The following TMEM94 variants were observed in gnomAD, a reference collection of about 807,000 sequenced individuals.
TMEM94 encodes ER Mg2+ ATPase.
In TMEM94, 81 loss-of-function variants were observed where a neutral mutation model predicts 158.6. That is an observed-to-expected ratio of 0.51 (90% confidence interval 0.43 to 0.61). The LOEUF is 0.61. TMEM94 is among the 20% of genes least tolerant of loss of function. The pLI, the probability that TMEM94 is intolerant of heterozygous loss-of-function variation, is 0.00. For synonymous variants in TMEM94, 751 were observed against 730.7 expected (o/e 1.03, Z -0.45); for missense variants, 1,435 against 1,762.0 (o/e 0.81, Z 3.32).
intron 1 of TMEM94, among the ~76,000 whole-genome samples, chr17:75,466,976 GT>G (rs539661751): frequency 0.028 from 3,835 of 137,164 alleles, 147 homozygotes; most frequent in African/African-American, 0.095. Flanking sequence ...ATTTCTAAAG[GT>G]TTTTTTTTTT....
intron 5 of TMEM94, among the ~76,000 whole-genome samples, chr17:75,486,935 A>T (rs1406493586): frequency 6.6e-6 from 1 of 151,948 alleles, no homozygotes; most frequent in African/African-American, 2.4e-5. Flanking sequence ...TTGGCTGCGG[A>T]TTGAGGGTTG....
At chr17:75,493,631 G>A (rs377028160) in intron 17 of TMEM94, 38 bp downstream of exon 17, 86 of 1,611,802 alleles carry the variant, frequency 5.3e-5, no homozygotes, top group Middle Eastern at 1.6e-4. Context: ...AAGAGCAGTC[G>A]CGCTGCCGGG....
intron 1 of TMEM94, among the ~76,000 whole-genome samples, chr17:75,458,833 G>A (rs1460448055): frequency 2.0e-5 from 3 of 151,956 alleles, no homozygotes; most frequent in South Asian, 2.1e-4. Flanking sequence ...AGAGGCAGGC[G>A]GATCACGAGG....
intron 26 of TMEM94, 144 bp downstream of exon 26, chr17:75,497,342 G>GT: frequency 7.5e-6 from 2 of 266,922 alleles, no homozygotes; most frequent in South Asian, 5.4e-5. Context: ...AACCCCCTTT[G>GT]TCTTTTTTTT....
At chr17:75,481,785 G>T (rs1424889493) in intron 2 of TMEM94, among the ~76,000 whole-genome samples, 2 of 152,210 alleles carry the variant, frequency 1.3e-5, no homozygotes, top group Non-Finnish European at 2.9e-5. Flanking sequence ...CCTGGTGCCT[G>T]AGGTCTAGGG....
rs1043132322 is a variant in TMEM94, at chr17:75,498,714, G to A, written c.3819G>A (p.Val1273=). 5.1e-6 allele frequency: 8 copies of A among 1,562,138 alleles called. No homozygotes were observed. In the Admixed American group the frequency reaches 5.5e-5, roughly 11 times the overall value. ...CCAACCTCTGGTGGGCCGTGACAGT[G>A]CCTGTGGTGTGAGTATTGCTAGGAT... ...PLTNLWWAVT[V]PVVLLGQVVQ... Residue 1273 remains valine, a synonymous_variant, in exon 30 of 32, where the codon GTG becomes GTA. Coordinates refer to ENST00000314256, the MANE Select transcript of TMEM94 (RefSeq NM_014738.6). The surrounding 1 kb of genome is among the most constrained non-coding windows in gnomAD (Gnocchi z 6.7).
chr17:75,493,474 TG>T lies in TMEM94; in HGVS notation c.2087-16del. ...GGGCTGGTTAGCGACACTCAGGGTT[TG>T]AACTCTCTCCCCCAGGCACAGAGCA... On this transcript the variant is annotated splice_polypyrimidine_tract_variant and intron_variant, in intron 16 of 31. Transcript: ENST00000314256. 1.2e-6 allele frequency: 2 copies of T among 1,612,614 alleles called. No homozygotes were observed. The highest frequency in any genetic ancestry group is 1.7e-6 in the Non-Finnish European group (2 of 1,178,812).
intron 2 of TMEM94, among the ~76,000 whole-genome samples, chr17:75,476,097 C>G (rs554310608): frequency 6.6e-6 from 1 of 152,146 alleles, no homozygotes; most frequent in African/African-American, 2.4e-5. Flanking sequence ...GGGGAGTTGC[C>G]GTGTGATTTG....
chr17:75,488,847 C>A lies in TMEM94; in HGVS notation c.701C>A (p.Pro234Gln). ...CCCCGGGGAGAAGTGGAGAGAGGGC[C>A]ACAGAGCCCCCAGCAGCACCGGCTT... Reference protein sequence around the residue: ...PSPRGEVERGPQSPQQHRLFR... With the variant: ...PSPRGEVERGQQSPQQHRLFR... Residue 234 changes from proline to glutamine, a missense_variant, in exon 7 of 32, where the codon CCA becomes CAA. Pro to Gln is a moderately conservative substitution (Grantham distance 76, BLOSUM62 -1). Coordinates refer to ENST00000314256, the MANE Select transcript of TMEM94 (RefSeq NM_014738.6). The A allele has an allele frequency of 6.2e-7, 1 of 1,612,440 alleles. No homozygotes were observed. Among genetic ancestry groups the A allele is most frequent in the Non-Finnish European group, 8.5e-7 (1 of 1,179,000 alleles).
In TMEM94 at chr17:75,491,242, G is replaced by GT. The variant is rs2052153085; in HGVS notation, c.1234-61_1234-60insT. 6.5e-7 allele frequency: 1 copy of GT among 1,543,968 alleles called. No homozygotes were observed. Among genetic ancestry groups the GT allele is most frequent in the African/African-American group, 1.3e-5 (1 of 74,296 alleles). ...GGGCTGCCCACCTGCCGCTTGAGTG[G>GT]CCCCTGGGCAGGATAGGCTAATGCC... On this transcript the variant is annotated intron_variant, in intron 12 of 31. Transcript: ENST00000314256. The surrounding 1 kb of genome is among the most constrained non-coding windows in gnomAD (Gnocchi z 5.1).
rs1430940105 is a variant in TMEM94, at chr17:75,497,981, A to C, written c.3489+119A>C. 3.4e-6 allele frequency: 4 copies of C among 1,168,558 alleles called. No individual in the cohort carries two copies. The African/African-American group carries it at 4.6e-5, about 13-fold the overall frequency. The allele number at this position is 1,168,558 out of a possible 1,614,324, so 72.4% of individuals were successfully genotyped here. On this transcript the variant is annotated intron_variant, in intron 27 of 31. Coordinates refer to ENST00000314256, the MANE Select transcript of TMEM94 (RefSeq NM_014738.6). ...TGGGGGATTCCAGCAGAACTCCGGC[A>C]CTTGGTTCCTAGTCTTCCCCCAGAT...
chr17:75,471,441 C>G (rs564465470), intron 1 of TMEM94, among the ~76,000 whole-genome samples: 1 of 151,890 alleles, frequency 6.6e-6, no homozygotes, highest in Non-Finnish European at 1.5e-5. Context: ...AGTACTTTTC[C>G]GCGTACCATA....
chr17:75,462,276 C>T (rs948388400), intron 1 of TMEM94, among the ~76,000 whole-genome samples: 3 of 151,834 alleles, frequency 2.0e-5, no homozygotes, highest in South Asian at 4.2e-4. Flanking sequence ...CTCTTTACCT[C>T]GTGATCTGTC....
In TMEM94 at chr17:75,492,722, A is replaced by G; in HGVS notation, c.1845A>G (p.Gln615=). Residue 615 remains glutamine (Q), a synonymous_variant, in exon 15 of 32, where the codon CAA becomes CAG. Coordinates refer to ENST00000314256, the MANE Select transcript of TMEM94 (RefSeq NM_014738.6). This position sits in a 1 kb window ranked among gnomAD's most constrained non-coding sequence, Gnocchi z 4.4. ...FSDHLCNIAL[Q]ESHSAVLPVH... is the part of the protein sequence containing the mutation. Reference sequence around the variant, plus strand: ...ACCACCTGTGCAACATCGCCCTGCAAGAGAGCCACAGCGCCGTGCTGCCCG... The same window carrying G: ...ACCACCTGTGCAACATCGCCCTGCAGGAGAGCCACAGCGCCGTGCTGCCCG... 1 of 1,611,484 alleles carries G rather than the reference A, an allele frequency of 6.2e-7. No individual in the cohort carries two copies. Among genetic ancestry groups the G allele is most frequent in the Non-Finnish European group, 8.5e-7 (1 of 1,179,922 alleles).
intron 18 of TMEM94, among the ~76,000 whole-genome samples, chr17:75,494,221 G>C (rs1157199553): frequency 6.6e-6 from 1 of 152,220 alleles, no homozygotes; most frequent in Admixed American, 6.5e-5. Context: ...AGAGCATTAG[G>C]CTTAGTAGGA....
At chr17:75,488,228 G>A (rs1028957251) in intron 6 of TMEM94, 94 bp downstream of exon 6, 30 of 1,262,882 alleles carry the variant, frequency 2.4e-5, no homozygotes, top group Admixed American at 1.1e-4. Context: ...GAAGCTTCCC[G>A]GCCAGCTTAC....
Position 75,495,924 on chromosome 17 carries a change from C to A in TMEM94, c.2945-42C>A. ...GTCTCTGCCCAGTGCCCACTTGGTGCTCTGCCTGCCTGACTCTGGTGCCCT... is the reference window on the plus strand; with the variant it reads ...GTCTCTGCCCAGTGCCCACTTGGTGATCTGCCTGCCTGACTCTGGTGCCCT... On this transcript the variant is annotated intron_variant, in intron 22 of 31. Transcript: ENST00000314256. This position sits in a 1 kb window ranked among gnomAD's most constrained non-coding sequence, Gnocchi z 5.6. 1 of 1,447,742 alleles carries A rather than the reference C, an allele frequency of 6.9e-7. No individual in the cohort carries two copies. Among genetic ancestry groups the A allele is most frequent in the Non-Finnish European group, 9.7e-7 (1 of 1,035,738 alleles). The allele number at this position is 1,447,742 out of a possible 1,614,324, so 89.7% of individuals were successfully genotyped here.
intron 2 of TMEM94, 85 bp downstream of exon 2, chr17:75,472,014 T>A: frequency 1.4e-6 from 2 of 1,414,118 alleles, no homozygotes; most frequent in Non-Finnish European, 2.0e-6. Flanking sequence ...GGGAGATCCT[T>A]AACTGGGGGC....
intron 1 of TMEM94, among the ~76,000 whole-genome samples, chr17:75,463,425 G>GT (rs2050184129): frequency 6.6e-6 from 1 of 151,608 alleles, no homozygotes; most frequent in South Asian, 2.1e-4. Context: ...CTCCAACCTG[G>GT]TTGCTGCTCT....
Sources: allele counts gnomAD v4.1 joint callset (sites outside exome capture counted in the v4.1 genomes callset), GRCh38; gene constraint gnomAD v4.1.1; non-coding constraint Gnocchi (gnomAD v3.1); transcripts MANE v1.5; gene names NCBI Gene and HGNC (gene_info 2026-07-23, HGNC 2026-07-21).